The following CAPRIN2 variants were observed in gnomAD, a reference collection of about 807,000 sequenced individuals.
CAPRIN2 encodes caprin family member 2.
In CAPRIN2, 66 loss-of-function variants were observed where a neutral mutation model predicts 130.4. That is an observed-to-expected ratio of 0.51 (90% CI 0.42 to 0.62). The LOEUF is 0.62. Among genes scored for constraint, CAPRIN2 ranks in the 20% least tolerant of loss-of-function variants. The pLI is 0.00. For synonymous variants in CAPRIN2, 471 were observed against 444.1 expected, an observed-to-expected ratio of 1.06 and a Z score of -0.76; for missense variants, 1,185 against 1,246.6, an observed-to-expected ratio of 0.95 and a Z score of 0.74.
intron 2 of CAPRIN2, among the ~76,000 whole-genome samples, chr12:30,749,092 T>G (rs2072306606): frequency 6.6e-6 from 1 of 152,006 alleles, no homozygotes; most frequent in African/African-American, 2.4e-5. Context: ...TGAAGGAGGT[T>G]GGGAATTGAG....
At chr12:30,753,057 A>G (rs1370409047) in intron 1 of CAPRIN2, among the ~76,000 whole-genome samples, 1 of 152,284 alleles carries the variant, frequency 6.6e-6, no homozygotes, top group African/African-American at 2.4e-5. Flanking sequence ...ATGAAAAGAA[A>G]CATTAATACT....
Position 30,710,436 on chromosome 12 carries a change from T to C in CAPRIN2, c.2700A>G (p.Pro900=). 2 of 1,614,174 alleles carry C rather than the reference T, an allele frequency of 1.2e-6. No individual in the cohort carries two copies. The highest frequency in any genetic ancestry group is 1.7e-6 in the Non-Finnish European group (2 of 1,180,016). Residue 900 remains proline (P), a synonymous_variant, in exon 17 of 17, where the codon CCA becomes CCG. Transcript: ENST00000298892. This position sits in a 1 kb window ranked among gnomAD's most constrained non-coding sequence, Gnocchi z 4.8. ...TGTTAAAGGTTTCGTTGTCTCTTTCTGGGCTGCTCACCTGAGAAGAATCAC... is the reference window on the plus strand; with the variant it reads ...TGTTAAAGGTTTCGTTGTCTCTTTCCGGGCTGCTCACCTGAGAAGAATCAC...
At chr12:30,716,631 T>G in exon 13 of CAPRIN2, 3 of 1,614,030 alleles carry the variant, frequency 1.9e-6, no homozygotes, top group Non-Finnish European at 2.5e-6. Context: ...GATTCTTTTA[T>G]TTCTTGTTCT....
At chr12:30,742,655 T>C (rs767198240) in intron 2 of CAPRIN2, among the ~76,000 whole-genome samples, 8 of 148,114 alleles carry the variant, frequency 5.4e-5, no homozygotes, top group Non-Finnish European at 1.0e-4. Flanking sequence ...TTCTATAAGG[T>C]ACAAAAAAAA....
intron 9 of CAPRIN2, 38 bp downstream of exon 10, chr12:30,725,928 C>T (rs138462796): frequency 1.4e-6 from 2 of 1,474,940 alleles, no homozygotes; most frequent in Admixed American, 4.3e-5. Context: ...GTCAGAAGCC[C>T]CATGAATATC....
chr12:30,740,471 T>G (rs538667979), intron 3 of CAPRIN2, among the ~76,000 whole-genome samples: 2 of 152,272 alleles, frequency 1.3e-5, no homozygotes, highest in South Asian at 2.1e-4. Context: ...GTTTAAGACT[T>G]CATATTACTG....
chr12:30,734,472 T>C (rs994374264), intron 4 of CAPRIN2, among the ~76,000 whole-genome samples: 1 of 152,180 alleles, frequency 6.6e-6, no homozygotes, highest in African/African-American at 2.4e-5. Context: ...TTTTAAACTA[T>C]CAAATGTATT....
chr12:30,716,473 C>G (rs1485661389), intron 13 of CAPRIN2, 35 bp downstream of exon 15: 4 of 1,596,484 alleles, frequency 2.5e-6, no homozygotes, highest in African/African-American at 1.3e-5. Flanking sequence ...GGCTGTCCCT[C>G]TAAGTCTTCC....
intron 12 of CAPRIN2, among the ~76,000 whole-genome samples, chr12:30,718,283 T>G (rs1330490520): frequency 6.6e-6 from 1 of 152,216 alleles, no homozygotes; most frequent in East Asian, 1.9e-4. Context: ...CAAGGAACTA[T>G]TCTATCTAGA....
At chr12:30,743,705 T>C (rs1389794008) in intron 2 of CAPRIN2, among the ~76,000 whole-genome samples, 1 of 152,188 alleles carries the variant, frequency 6.6e-6, no homozygotes, top group Non-Finnish European at 1.5e-5. Flanking sequence ...TGACTGCATA[T>C]GTATAAAGCA....
At chr12:30,717,269 A>G (rs75363299) in intron 12 of CAPRIN2, among the ~76,000 whole-genome samples, 1,563 of 152,346 alleles carry the variant, frequency 0.01, 35 homozygotes, top group East Asian at 0.092. Flanking sequence ...AAATCCTGAT[A>G]CACTGTATAA....
intron 9 of CAPRIN2, among the ~76,000 whole-genome samples, chr12:30,725,055 T>G (rs1427503815): frequency 2.0e-5 from 3 of 152,106 alleles, no homozygotes; most frequent in African/African-American, 7.2e-5. Context: ...GAAAAGAAAC[T>G]CTTGACCTTA....
chr12:30,721,682 T>A (rs1257023281), intron 11 of CAPRIN2, among the ~76,000 whole-genome samples: 1 of 152,182 alleles, frequency 6.6e-6, no homozygotes, highest in African/African-American at 2.4e-5. Flanking sequence ...ATCTAAATGC[T>A]TCTATGTGGT....
At chr12:30,728,398 C>T (rs1408760216) in intron 8 of CAPRIN2, 3 of 363,418 alleles carry the variant, frequency 8.3e-6, no homozygotes, top group South Asian at 4.6e-5. Context: ...ACTAAAAATA[C>T]AAAAAAATTA....
Position 30,715,075 on chromosome 12 carries a change from G to A in CAPRIN2, c.2384C>T (p.Thr795Met), listed in dbSNP as rs200512367. Reference sequence around the variant, plus strand: ...CTGAGTAGGTCTGGGAAACACATTCGTCTGTGCTGGGTAAAAGGCAAGGCT... The same window carrying A: ...CTGAGTAGGTCTGGGAAACACATTCATCTGTGCTGGGTAAAAGGCAAGGCT... The change falls in exon 14 of 17, where the codon ACG (threonine) becomes ATG (methionine). Residue 795 changes from threonine (T) to methionine (M), a missense_variant. Physicochemically the swap from Thr to Met is moderately conservative, Grantham distance 81. Coordinates refer to ENST00000298892, the Ensembl canonical transcript of CAPRIN2. The A allele has an allele frequency of 1.4e-5, 23 of 1,613,806 alleles. No homozygotes were observed. Among genetic ancestry groups the A allele is most frequent in the South Asian group, 1.3e-4 (12 of 91,076 alleles).
At chr12:30,715,644 TA>T (rs2057302468) in intron 13 of CAPRIN2, 1 of 255,098 alleles carries the variant, frequency 3.9e-6, no homozygotes, top group African/African-American at 2.3e-5. Context: ...ACTATATAGT[TA>T]AAAATGATTA....
intron 3 of CAPRIN2, among the ~76,000 whole-genome samples, chr12:30,735,958 T>C (rs2064555805): frequency 6.6e-6 from 1 of 151,790 alleles, no homozygotes; most frequent in African/African-American, 2.4e-5. Flanking sequence ...CTGGGCAACA[T>C]GGCAAAACCC....
At chr12:30,751,039 C>T in intron 2 of CAPRIN2, 32 bp downstream of exon 3, 1 of 1,532,728 alleles carries the variant, frequency 6.5e-7, no homozygotes, top group Non-Finnish European at 9.0e-7. Context: ...AGAAAACCAG[C>T]AAGTCTTACT....
intron 3 of CAPRIN2, among the ~76,000 whole-genome samples, chr12:30,737,844 G>A (rs1006508562): frequency 1.3e-4 from 20 of 151,896 alleles, no homozygotes; most frequent in Admixed American, 1.0e-3. Flanking sequence ...TGATCCGCCC[G>A]CCTCGGCCTC....
Sources: allele counts gnomAD v4.1 joint callset (sites outside exome capture counted in the v4.1 genomes callset), GRCh38; gene constraint gnomAD v4.1.1; non-coding constraint Gnocchi (gnomAD v3.1); transcripts MANE v1.5; gene names NCBI Gene and HGNC (gene_info 2026-07-23, HGNC 2026-07-21).